The following ABCA7 variants were observed in gnomAD, a reference collection of about 807,000 sequenced individuals.
ABCA7 encodes the protein ATP binding cassette subfamily A member 7.
In ABCA7, 261 loss-of-function variants were observed where a neutral mutation model predicts 227.6. The ratio of observed to expected loss-of-function variants is 1.15; its 90% CI spans 1.04 to 1.27. ABCA7 has a LOEUF of 1.27. Ranked by LOEUF, ABCA7 falls within the 50% of genes most tolerant of loss-of-function variation. The probability of loss-of-function intolerance (pLI) is 0.00; values close to 1 mark genes in which losing one functional copy is unlikely to be tolerated. For missense variants in ABCA7, 3,331 were observed against 2,924.5 expected (o/e 1.14, Z -3.21); for synonymous variants, 1,488 against 1,279.7 (o/e 1.16, Z -3.47).
In ABCA7 at chr19:1,056,238, C is replaced by A. The variant is rs375977422; in HGVS notation, c.4411C>A (p.Leu1471Ile). 1.9e-6 allele frequency: 3 copies of A among 1,593,394 alleles called. No individual in the cohort carries two copies. The highest frequency in any genetic ancestry group is 1.7e-5 in the Admixed American group (1 of 59,468). The change falls in exon 32 of 47, where the codon CTC becomes ATC. Residue 1471 changes from leucine to isoleucine, a missense_variant. Transcript: ENST00000263094. The surrounding 1 kb of genome is among the most constrained non-coding windows in gnomAD (Gnocchi z 4.3). ...WAHSLDAQDS[L>I]KIWFNNKGWH... is the part of the protein sequence containing the mutation. The stretch of plus-strand genomic sequence containing the variant: ...TCACAGCCTGGATGCTCAGGACAGT[C>A]TCAAGGTGGGAACTGGGGGGGCAGG...
In ABCA7 at chr19:1,057,061, C is replaced by T. The variant is rs187233122; in HGVS notation, c.4741C>T (p.Leu1581Phe). Residue 1581 changes from leucine (L) to phenylalanine (F), a missense_variant, in exon 34 of 47, where the codon CTT becomes TTT. By Grantham distance (22) the Leu-to-Phe change is conservative. Transcript: ENST00000263094. The part of the protein sequence containing the change: ...MGGLSPTLYW[L>F]GNFLWDMCNY... The stretch of plus-strand genomic sequence containing the variant: ...GGGCCTGTCCCCCACCCTCTACTGG[C>T]TTGGCAACTTTCTCTGGGACATGGT... The T allele has an allele frequency of 1.1e-5, 18 of 1,613,186 alleles. No homozygotes were observed. The East Asian group carries it at 3.1e-4, about 28-fold the overall frequency.
At position 1,064,172 on chromosome 19, in the gene ABCA7, G is replaced by T. The variant is rs142573667; in HGVS notation, c.5963G>T (p.Cys1988Phe). ...CCGGGTCCCGACAGCATGGAGGAGTGTGAAGCGCTCTGCTCGCGCCTGGCC... is the reference window on the plus strand; with the variant it reads ...CCGGGTCCCGACAGCATGGAGGAGTTTGAAGCGCTCTGCTCGCGCCTGGCC... ...VMLTSHSMEE[C>F]EALCSRLAIM... Residue 1988 changes from cysteine (C) to phenylalanine (F), a missense_variant, in exon 45 of 47, where the codon TGT becomes TTT. Cys to Phe is a radical substitution (Grantham distance 205, BLOSUM62 -2). Transcript: ENST00000263094. The T allele has an allele frequency of 8.6e-5, 136 of 1,573,870 alleles. 1 individual carries two copies. The East Asian group carries it at 2.8e-3, about 33-fold the overall frequency.
At position 1,049,401 on chromosome 19, in the gene ABCA7, T is replaced by C; in HGVS notation, c.2516T>C (p.Phe839Ser). ...LDFYQGHITA[F>S]LGHNGAGKTT... ...TTCTACCAGGGCCACATCACCGCCT[T>C]CCTGGGCCACAACGGGGCCGGCAAG... Residue 839 changes from phenylalanine to serine, a missense_variant, in exon 18 of 47, where the codon TTC becomes TCC. Coordinates refer to ENST00000263094, the MANE Select transcript of ABCA7 (RefSeq NM_019112.4). The C allele has an allele frequency of 6.2e-7, 1 of 1,609,484 alleles. No individual in the cohort carries two copies. The highest frequency in any genetic ancestry group is 8.5e-7 in the Non-Finnish European group (1 of 1,178,030).
chr19:1,045,498 T>C lies in ABCA7; in HGVS notation c.1445+267T>C, dbSNP rs957536744. On this transcript the variant is annotated intron_variant, in intron 12 of 46. Coordinates refer to ENST00000263094, the MANE Select transcript of ABCA7 (RefSeq NM_019112.4). ...GAGGGCAATGGTGGGCGGAGCCAGG[T>C]GTATTATTAGGTCCCTGGAATAAGG... is the stretch of plus-strand genomic sequence containing the variant. The C allele has an allele frequency of 1.2e-4, 57 of 491,956 alleles. No individual in the cohort carries two copies. The East Asian group carries it at 2.0e-3, about 17-fold the overall frequency. 30.5% of individuals were successfully genotyped at this position (491,956 alleles called of 1,614,324 possible).
At position 1,055,889 on chromosome 19, in the gene ABCA7, T is replaced by C. The variant is rs766007529; in HGVS notation, c.4206-18T>C. ...CCACATCCCTGTCTGCCTGTGTCTC[T>C]GTCCATCTCTCCCACAGCCTGAAGA... On this transcript the variant is annotated intron_variant, in intron 30 of 46. Transcript: ENST00000263094. The C allele has an allele frequency of 1.6e-5, 25 of 1,579,808 alleles. No homozygotes were observed. In the Middle Eastern group the frequency reaches 6.8e-4, roughly 43 times the overall value.
Position 1,055,439 on chromosome 19 carries a change from G to A in ABCA7, c.4205+88G>A, listed in dbSNP as rs1002612026. ...TGGTGTGGTCCTGGAGGAGGAAGTG[G>A]AGGGGTTGGATGCCCAGCTTGGGGC... On this transcript the variant is annotated intron_variant, in intron 30 of 46. Coordinates refer to ENST00000263094, the MANE Select transcript of ABCA7 (RefSeq NM_019112.4). The A allele has an allele frequency of 2.0e-5, 28 of 1,433,990 alleles. No homozygotes were observed. In the African/African-American group the frequency reaches 3.7e-4, roughly 19 times the overall value. 88.8% of individuals were successfully genotyped at this position (1,433,990 alleles called of 1,614,324 possible). A position where few individuals can be genotyped will look rare whatever the true frequency, so the allele number is the denominator to read the frequency against.
chr19:1,049,159 A>G, intron 17 of ABCA7, 107 bp from the exon 18 acceptor site: 2 of 1,350,740 alleles, frequency 1.5e-6, no homozygotes, highest in Admixed American at 4.4e-5. Context: ...CGCAGCTTTT[A>G]TAGGCCCCGG....
Position 1,043,505 on chromosome 19 carries a change from G to A in ABCA7, c.930+32G>A, listed in dbSNP as rs757527196. ...GCAGCCTGGATGCTGGGGTGGGAGG[G>A]TGGTGGCCAGAGCCCATCCAGTACC... is the stretch of plus-strand genomic sequence containing the variant. On this transcript the variant is annotated intron_variant, in intron 9 of 46. Transcript: ENST00000263094. 5.0e-6 allele frequency: 8 copies of A among 1,612,898 alleles called. No homozygotes were observed. The African/African-American group carries it at 8.0e-5, about 16-fold the overall frequency.
intron 13 of ABCA7, 103 bp from the exon 14 acceptor site, chr19:1,046,699 C>T (rs915978171): frequency 7.8e-7 from 1 of 1,286,520 alleles, no homozygotes; most frequent in African/African-American, 1.5e-5. Flanking sequence ...GGCAAATCTT[C>T]CCGCCTTGAG....
At chr19:1,042,613 C>A (rs752034201) in intron 6 of ABCA7, 133 bp from the exon 7 acceptor site, 2 of 1,074,016 alleles carry the variant, frequency 1.9e-6, no homozygotes, top group Admixed American at 3.6e-5. Flanking sequence ...AGTCCCTTTG[C>A]CTCTCAGAGC....
Position 1,063,791 on chromosome 19 carries a change from C to A in ABCA7, c.5879C>A (p.Ala1960Glu). 1 of 1,546,756 alleles carries A rather than the reference C, an allele frequency of 6.5e-7. No individual in the cohort carries two copies. The highest frequency in any genetic ancestry group is 2.0e-5 in the Admixed American group (1 of 51,124). Residue 1960 changes from alanine (A) to glutamate (E), a missense_variant, in exon 44 of 47, where the codon GCG becomes GAG. Ala to Glu is a moderately radical substitution (Grantham distance 107). Transcript: ENST00000263094. ...CCGACCACAGGCATGGACCCCAGCG[C>A]GCGGCGCTTCCTTTGGAACAGCCTT... Reference protein sequence around the residue: ...DEPTTGMDPSARRFLWNSLLA... With the variant: ...DEPTTGMDPSERRFLWNSLLA...
chr19:1,044,880 G>T, intron 11 of ABCA7, 122 bp from the exon 12 acceptor site: 1 of 1,468,184 alleles, frequency 6.8e-7, no homozygotes, highest in African/African-American at 1.4e-5. Context: ...ATCTCAGGAG[G>T]GAGCCGGCCG....
chr19:1,061,831 G>T lies in ABCA7; in HGVS notation c.5513G>T (p.Arg1838Leu), dbSNP rs764042049. Residue 1838 changes from arginine (R) to leucine (L), a missense_variant, in exon 41 of 47, where the codon CGC (arginine) becomes CTC (leucine). Arg to Leu is a moderately radical substitution (Grantham distance 102, BLOSUM62 -2). Coordinates refer to ENST00000263094, the MANE Select transcript of ABCA7 (RefSeq NM_019112.4). ...VNGAGKTSTF[R>L]MVTGDTLASR... ...GGAGCAGGGAAGACGTCCACGTTTC[G>T]CATGGTGACGGGGGACACATTGGCC... The T allele has an allele frequency of 3.1e-6, 5 of 1,609,620 alleles. No homozygotes were observed. In the African/African-American group the frequency reaches 5.4e-5, roughly 17 times the overall value.
chr19:1,054,731 T>C lies in ABCA7; in HGVS notation c.3851+37T>C, dbSNP rs2042094041. Reference sequence around the variant, plus strand: ...AGGAAGGGGCTGGTGGCAGGAAGACTAGGGACCTGGGGGTACAGCCCTGAC... The same window carrying C: ...AGGAAGGGGCTGGTGGCAGGAAGACCAGGGACCTGGGGGTACAGCCCTGAC... On this transcript the variant is annotated intron_variant, in intron 28 of 46. Transcript: ENST00000263094. This position sits in a 1 kb window ranked among gnomAD's most constrained non-coding sequence, Gnocchi z 4.8. 2 of 1,607,682 alleles carry C rather than the reference T, an allele frequency of 1.2e-6. No homozygotes were observed. The highest frequency in any genetic ancestry group is 3.3e-4 in the Middle Eastern group (2 of 6,056).
intron 21 of ABCA7, 89 bp downstream of exon 21, chr19:1,051,675 T>A: frequency 7.5e-7 from 1 of 1,327,566 alleles, no homozygotes; most frequent in South Asian, 1.3e-5. Flanking sequence ...GAGTAGGAGT[T>A]TGCTACATGT....
rs1305139474 is a variant in ABCA7 at position 1,054,640 on chromosome 19, A to G, written c.3797A>G (p.Tyr1266Cys). ...CTCATCGTGCCTCCTTTCGGGCACT[A>G]CCCGGCTCTGCGGCTCAGTCCCACC... ...FSLIVPPFGH[Y>C]PALRLSPTMY... is the part of the protein sequence containing the mutation. The change falls in exon 28 of 47, where the codon TAC (tyrosine) becomes TGC (cysteine). Residue 1266 changes from tyrosine (Y) to cysteine (C), a missense_variant. Transcript: ENST00000263094. This position sits in a 1 kb window ranked among gnomAD's most constrained non-coding sequence, Gnocchi z 4.8. 5 of 1,613,134 alleles carry G rather than the reference A, an allele frequency of 3.1e-6. No individual in the cohort carries two copies. The highest frequency in any genetic ancestry group is 4.2e-6 in the Non-Finnish European group (5 of 1,179,924).
Position 1,065,254 on chromosome 19 carries a change from G to C in ABCA7, c.6286-16G>C, listed in dbSNP as rs768306443. ...CTGACCGTCCCTCTTGTCCCCTCTG[G>C]GCTGCCCACCGCTAGGTATTCTTGT... On this transcript the variant is annotated splice_polypyrimidine_tract_variant and intron_variant, in intron 46 of 46. Coordinates refer to ENST00000263094, the MANE Select transcript of ABCA7 (RefSeq NM_019112.4). The C allele has an allele frequency of 6.2e-7, 1 of 1,612,660 alleles. No homozygotes were observed. The highest frequency in any genetic ancestry group is 1.1e-5 in the South Asian group (1 of 91,056).
rs1568327737 is a variant in ABCA7 at position 1,051,201 on chromosome 19, CTGAG to C, written c.2734_2737del (p.Ser912ProfsTer3). 1 of 1,611,246 alleles carries C rather than the reference CTGAG, an allele frequency of 6.2e-7. No homozygotes were observed. Among genetic ancestry groups the C allele is most frequent in the Admixed American group, 1.7e-5 (1 of 60,014 alleles). ...CTGGTTCTATGGGCGGCTGAAGGGT[CTGAG>C]TGCCGCTGTAGTGGGCCCCGAGCAG... On this transcript the variant is annotated frameshift_variant, in exon 20 of 47. Coordinates refer to ENST00000263094, the MANE Select transcript of ABCA7 (RefSeq NM_019112.4). LOFTEE classifies it high-confidence loss of function.
rs1401655093 is a variant in ABCA7, at chr19:1,048,997, A to G, written c.2372A>G (p.Asp791Gly). ...CCAGCCCCTTGCCCCACCCCGCTGG[A>G]CCCAAAGGGTGAGGCACTACGAGGC... is the stretch of plus-strand genomic sequence containing the variant. ...KSPAPCPTPL[D>G]PKVLVEEAPP... The change falls in exon 17 of 47, where the codon GAC (aspartate) becomes GGC (glycine). Residue 791 changes from aspartate to glycine, a missense_variant. Physicochemically the swap from Asp to Gly is moderately conservative, Grantham distance 94 (BLOSUM62 -1). Transcript: ENST00000263094. 1 of 1,587,046 alleles carries G rather than the reference A, an allele frequency of 6.3e-7. No homozygotes were observed. Among genetic ancestry groups the G allele is most frequent in the Non-Finnish European group, 8.6e-7 (1 of 1,165,434 alleles).
Sources: gnomAD v4.1 joint callset for allele counts on GRCh38, gnomAD v4.1.1 for gene constraint, Gnocchi (gnomAD v3.1) non-coding constraint, MANE v1.5 for transcripts, NCBI Gene and HGNC (gene_info 2026-07-23, HGNC 2026-07-21) for gene names.